Variants in COA1 observed in about 807,000 individuals in gnomAD.
COA1 encodes the protein cytochrome c oxidase assembly factor 1 homolog.
Under a neutral mutation model 16.0 loss-of-function variants are expected in COA1, and 13 were observed. That is an observed-to-expected ratio of 0.81 (90% CI 0.53 to 1.29). COA1 has a LOEUF of 1.29. Ranked by LOEUF, COA1 falls within the 50% of genes most tolerant of loss-of-function variation. The pLI, the probability that COA1 is intolerant of heterozygous loss-of-function variation, is 0.00. For synonymous variants in COA1, 65 were observed against 65.7 expected, an observed-to-expected ratio of 0.99 and a Z score of 0.05; for missense variants, 179 against 177.0, an observed-to-expected ratio of 1.01 and a Z score of -0.06.
chr7:43,667,367 C>T (rs1257412132), intron 1 of COA1, among the ~76,000 whole-genome samples: 1 of 152,036 alleles, frequency 6.6e-6, no homozygotes, highest in South Asian at 2.1e-4. Flanking sequence ...ATGAGATTGC[C>T]AAAATATTTC....
intron 4 of COA1, among the ~76,000 whole-genome samples, chr7:43,644,789 G>GAGAGACAGAGAGAGA (rs1442537142): frequency 5.7e-5 from 6 of 104,478 alleles, no homozygotes; most frequent in African/African-American, 8.8e-5. Flanking sequence ...CAGGCAGGCA[G>GAGAGACAGAGAGAGA]GCAGAGAGAC....
Position 43,640,637 on chromosome 7 carries a change from C to T in COA1, c.277G>A (p.Val93Ile). The change falls in exon 5 of 6, where the codon GTC becomes ATC. Residue 93 changes from valine to isoleucine, a missense_variant. By Grantham distance (29) the Val-to-Ile change is conservative. Coordinates refer to ENST00000223336, the MANE Select transcript of COA1 (RefSeq NM_018224.4). ...AGGCCCTCTGATTTGGATCCAGAGA[C>T]AGGAATCTTCAACTGTGGGTGTAAA... ...DIVDAKLKIP[V>I]SGSKSEGLLY... is the part of the protein sequence containing the mutation. 1 of 1,603,588 alleles carries T rather than the reference C, an allele frequency of 6.2e-7. No homozygotes were observed.
chr7:43,718,635 G>A (rs1311563121), intron 1 of COA1, among the ~76,000 whole-genome samples: 1 of 152,188 alleles, frequency 6.6e-6, no homozygotes, highest in Non-Finnish European at 1.5e-5. Context: ...AAGGTGAATA[G>A]TATGCATTGG....
At chr7:43,641,932 G>A (rs1198854795) in intron 4 of COA1, 5 of 152,318 alleles carry the variant, frequency 3.3e-5, no homozygotes, top group East Asian at 1.9e-4. Context: ...GCATCTCCCA[G>A]AGTGCCTTCC....
At chr7:43,624,375 A>G in intron 6 of COA1, 2 of 791,252 alleles carry the variant, frequency 2.5e-6, no homozygotes, top group Non-Finnish European at 3.8e-6. Flanking sequence ...TTCCAAGACT[A>G]ATAGTTTTAT....
chr7:43,676,706 T>C, intron 1 of COA1, among the ~76,000 whole-genome samples: 1 of 152,164 alleles, frequency 6.6e-6, no homozygotes, highest in East Asian at 1.9e-4. Context: ...ATGATGGATA[T>C]GCTAATTACC....
At chr7:43,631,907 T>TA (rs1437265506) in intron 6 of COA1, 1 of 152,230 alleles carries the variant, frequency 6.6e-6, no homozygotes, top group Non-Finnish European at 1.5e-5. Context: ...ATAATGTACA[T>TA]ACATTAATTT....
chr7:43,625,926 C>A (rs895501223), intron 6 of COA1: 4 of 152,222 alleles, frequency 2.6e-5, no homozygotes, highest in Admixed American at 2.6e-4. Context: ...GTAGGAGGTA[C>A]TTTGTCCCAA....
chr7:43,719,787 G>A (rs567470107), intron 1 of COA1, among the ~76,000 whole-genome samples: 2 of 152,236 alleles, frequency 1.3e-5, no homozygotes, highest in African/African-American at 4.8e-5. Context: ...TTACAAACAG[G>A]TTTCCTTGAA....
At chr7:43,694,050 A>T (rs1391054668) in intron 1 of COA1, among the ~76,000 whole-genome samples, 1 of 150,718 alleles carries the variant, frequency 6.6e-6, no homozygotes, top group Admixed American at 6.7e-5. Context: ...AGGATCTACC[A>T]GTTCACCTGC....
rs2086519978 is a variant in COA1, at chr7:43,639,469, G to A, written c.*113C>T. ...CATACCATCATCCCACTGGTGGCTG[G>A]AAAACTGGGTTGCAGGAGTGTCTGT... On this transcript the variant is annotated 3_prime_UTR_variant, in exon 6 of 6. Coordinates refer to ENST00000223336, the MANE Select transcript of COA1 (RefSeq NM_018224.4). 1 of 790,010 alleles carries A rather than the reference G, an allele frequency of 1.3e-6. No individual in the cohort carries two copies. The highest frequency in any genetic ancestry group is 2.1e-6 in the Non-Finnish European group (1 of 465,348). The allele number at this position is 790,010 out of a possible 1,614,324, so 48.9% of individuals were successfully genotyped here.
chr7:43,653,592 G>A (rs2091247962), intron 1 of COA1, among the ~76,000 whole-genome samples: 1 of 151,990 alleles, frequency 6.6e-6, no homozygotes, highest in African/African-American at 2.4e-5. Flanking sequence ...TAGAGGAAAG[G>A]CTTACCGTAA....
Position 43,623,846 on chromosome 7 carries a change from C to T in COA1, c.*134-14351G>A, listed in dbSNP as rs770191727. The T allele has an allele frequency of 5.0e-6, 8 of 1,594,024 alleles. No homozygotes were observed. The highest frequency in any genetic ancestry group is 1.3e-5 in the African/African-American group (1 of 74,428). On this transcript the variant is annotated intron_variant and NMD_transcript_variant, in intron 6 of 6. Transcript: ENST00000415076. ...GAAGAATTTGATGTTTTGTCTGAGT[C>T]GGCTGTTGATTTCATCAGGACACTT...
At chr7:43,611,553 A>C (rs1042556460) in intron 6 of COA1, among the ~76,000 whole-genome samples, 1 of 152,120 alleles carries the variant, frequency 6.6e-6, no homozygotes, top group African/African-American at 2.4e-5. Flanking sequence ...TTTCCCCTTC[A>C]GTGTGTCATA....
Position 43,691,265 on chromosome 7 carries a change from A to AAAAGAAAAGAAAAGAAAAGAAAAG in COA1, c.-39+38163_-39+38164insCTTTTCTTTTCTTTTCTTTTCTTT, listed in dbSNP as rs1554541882. ...CCTTGACTCAAAAAAAGAAAGAAAG[A>AAAAGAAAAGAAAAGAAAAGAAAAG]AAAGAAAGAAAGAAAGAAAGAAAGA... On this transcript the variant is annotated intron_variant, in intron 1 of 5. Transcript: ENST00000223336. Among the ~76,000 whole-genome samples, 7 of 45,920 alleles carry AAAAGAAAAGAAAAGAAAAGAAAAG rather than the reference A, an allele frequency of 1.5e-4. 2 individuals are homozygous for AAAAGAAAAGAAAAGAAAAGAAAAG. The East Asian group carries it at 2.1e-3, about 14-fold the overall frequency. The allele number at this position is 45,920 out of a possible 152,430, so 30.1% of individuals were successfully genotyped here.
intron 1 of COA1, among the ~76,000 whole-genome samples, chr7:43,709,133 C>A (rs1053722650): frequency 1.2e-4 from 18 of 151,822 alleles, no homozygotes; most frequent in African/African-American, 4.4e-4. Context: ...ACACCATTCT[C>A]CTGCCTCAGC....
At chr7:43,630,501 T>C (rs1320306116) in intron 6 of COA1, among the ~76,000 whole-genome samples, 2 of 152,160 alleles carry the variant, frequency 1.3e-5, no homozygotes, top group African/African-American at 4.8e-5. Context: ...AGATAAAGTA[T>C]TTGGGAAGAG....
At chr7:43,702,223 T>C (rs867310531) in intron 1 of COA1, among the ~76,000 whole-genome samples, 3 of 152,288 alleles carry the variant, frequency 2.0e-5, no homozygotes, top group Middle Eastern at 6.8e-3. Context: ...AAAGTTTTTA[T>C]AGTTTTAGAT....
chr7:43,697,454 C>G (rs897276430), intron 1 of COA1, among the ~76,000 whole-genome samples: 7 of 151,938 alleles, frequency 4.6e-5, no homozygotes, highest in Admixed American at 4.6e-4. Flanking sequence ...TCACCATTCC[C>G]AGCTAATTTT....
Sources: gnomAD v4.1 joint callset for allele counts (sites outside exome capture counted in the v4.1 genomes callset) on GRCh38, gnomAD v4.1.1 for gene constraint, MANE v1.5 for transcripts, NCBI Gene and HGNC (gene_info 2026-07-23, HGNC 2026-07-21) for gene names.